INTS1: variants seen among roughly 807,000 people sequenced by gnomAD.
INTS1 encodes the protein integrator complex subunit 1.
Under a neutral mutation model 241.6 loss-of-function variants are expected in INTS1, and 137 were observed. That is an observed-to-expected ratio of 0.57 (90% CI 0.49 to 0.65). The LOEUF (loss-of-function observed/expected upper bound fraction) is 0.65, where lower values mean the gene tolerates loss of function less well. INTS1 is among the 30% of genes least tolerant of loss of function. The pLI is 0.00. For synonymous variants in INTS1, 1,692 were observed against 1,337.8 expected (o/e 1.26, Z -5.78); for missense variants, 3,073 against 3,032.2 (o/e 1.01, Z -0.32).
chr7:1,499,233 G>A (rs745605484), intron 7 of INTS1, 22 bp downstream of exon 7: 62 of 1,608,152 alleles, frequency 3.9e-5, no homozygotes, highest in Non-Finnish European at 4.9e-5. Flanking sequence ...CCCCAACTGG[G>A]ACCGGGCAGG....
intron 16 of INTS1, among the ~76,000 whole-genome samples, chr7:1,490,354 C>T (rs1782488282): frequency 6.6e-6 from 1 of 152,088 alleles, no homozygotes; most frequent in Non-Finnish European, 1.5e-5. Flanking sequence ...AGGGACGCCC[C>T]TGAAAGGGTG....
At chr7:1,484,287 C>T in intron 24 of INTS1, 117 bp from the exon 25 acceptor site, 5 of 1,089,506 alleles carry the variant, frequency 4.6e-6, no homozygotes, top group East Asian at 2.6e-5. Context: ...CCCGCGGCAC[C>T]GCAGACCCTC....
At position 1,483,690 on chromosome 7, in the gene INTS1, C is replaced by T. The variant is rs188659788; in HGVS notation, c.3541+52G>A. 6,247 of 1,422,600 alleles carry T rather than the reference C, an allele frequency of 4.4e-3. 30 individuals carry two copies. Among genetic ancestry groups the T allele is most frequent in the Non-Finnish European group, 5.2e-3 (5,311 of 1,014,458 alleles). The allele number at this position is 1,422,600 out of a possible 1,614,324, so 88.1% of individuals were successfully genotyped here. ...CGGAAGCCGCTGGGTGTGGTCAGGG[C>T]TGTGGCCCACCTGGCACGAAGCTGC... On this transcript the variant is annotated intron_variant, in intron 26 of 47. Transcript: ENST00000404767.
rs1174988373 is a variant in INTS1 at position 1,481,115 on chromosome 7, C to T, written c.3851-182G>A. The T allele has an allele frequency of 2.9e-6, 2 of 690,924 alleles. No homozygotes were observed. The highest frequency in any genetic ancestry group is 2.3e-5 in the Admixed American group (1 of 42,772). 42.8% of individuals were successfully genotyped at this position (690,924 alleles called of 1,614,324 possible). On this transcript the variant is annotated intron_variant, in intron 28 of 47. Coordinates refer to ENST00000404767, the MANE Select transcript of INTS1 (RefSeq NM_001080453.3). The surrounding 1 kb of genome is among the most constrained non-coding windows in gnomAD (Gnocchi z 6.8). ...AACAGCTCCCTCCAAGCTCAAAACA[C>T]GGCCCTAGGGGGTGCCTGGCCCCAG...
chr7:1,499,878 G>A lies in INTS1; in HGVS notation c.684+6C>T, dbSNP rs765620165. On this transcript the variant is annotated splice_donor_region_variant and intron_variant, in intron 5 of 47. Coordinates refer to ENST00000404767, the MANE Select transcript of INTS1 (RefSeq NM_001080453.3). ...CATCTTCACCGTCCCGGGAGAGGAC[G>A]CTCACCTTGACAAAGATCTCGGGCC... 15 of 1,610,690 alleles carry A rather than the reference G, an allele frequency of 9.3e-6. No homozygotes were observed. The highest frequency in any genetic ancestry group is 2.2e-5 in the South Asian group (2 of 90,784).
Position 1,496,255 on chromosome 7 carries a change from C to T in INTS1, c.1612G>A (p.Val538Met), listed in dbSNP as rs1401513399. The T allele has an allele frequency of 2.5e-6, 4 of 1,613,644 alleles. No homozygotes were observed. The highest frequency in any genetic ancestry group is 3.3e-5 in the Admixed American group (2 of 60,022). Residue 538 changes from valine (V) to methionine (M), a missense_variant, in exon 12 of 48, where the codon GTG becomes ATG. By Grantham distance (21) the Val-to-Met change is conservative. Coordinates refer to ENST00000404767, the MANE Select transcript of INTS1 (RefSeq NM_001080453.3). ...YLEMEFKERF[V>M]VHITDVLAVS... is the part of the protein sequence containing the mutation. ...GCCAGGACGTCGGTGATGTGCACCA[C>T]GAAGCGCTCCTGCAGGTGCAGCACG... is the stretch of plus-strand genomic sequence containing the variant.
chr7:1,474,344 C>T lies in INTS1; in HGVS notation c.5653G>A (p.Ala1885Thr), dbSNP rs537052549. 11 of 1,598,872 alleles carry T rather than the reference C, an allele frequency of 6.9e-6. No homozygotes were observed. The highest frequency in any genetic ancestry group is 3.3e-5 in the South Asian group (3 of 90,406). ...LLLLRHLPMIAALLHGRTHLN... is the reference protein window; with the variant it reads ...LLLLRHLPMITALLHGRTHLN... ...TGGGTGCGGCCGTGCAGGAGCGCCGCGATCATGGGCAGGTGCCTGCGGGCG... is the reference window on the plus strand; with the variant it reads ...TGGGTGCGGCCGTGCAGGAGCGCCGTGATCATGGGCAGGTGCCTGCGGGCG... The change falls in exon 41 of 48, where the codon GCG becomes ACG. Residue 1885 changes from alanine to threonine, a missense_variant. By Grantham distance (58) the Ala-to-Thr change is moderately conservative (BLOSUM62 0). Transcript: ENST00000404767.
Position 1,493,199 on chromosome 7 carries a change from G to T in INTS1, c.2069-93C>A. 1.0e-6 allele frequency: 1 copy of T among 956,506 alleles called. No homozygotes were observed. Among genetic ancestry groups the T allele is most frequent in the Non-Finnish European group, 1.6e-6 (1 of 615,544 alleles). The allele number at this position is 956,506 out of a possible 1,614,324, so 59.3% of individuals were successfully genotyped here. A position where few individuals can be genotyped will look rare whatever the true frequency, so the allele number is the denominator to read the frequency against. On this transcript the variant is annotated intron_variant, in intron 15 of 47. Transcript: ENST00000404767. The surrounding 1 kb of genome is among the most constrained non-coding windows in gnomAD (Gnocchi z 5.3). ...ACCGGCCCTGCTCGGGCCGCGTCGG[G>T]GTGGGGTGGGGGATGCCGCAGGGTG...
intron 13 of INTS1, 89 bp downstream of exon 13, chr7:1,495,344 T>C (rs1782792740): frequency 3.5e-6 from 5 of 1,433,150 alleles, no homozygotes; most frequent in Non-Finnish European, 4.6e-6. Context: ...CCTGGCTCAG[T>C]GGGGTTTGGG....
At chr7:1,479,294 TG>T in intron 31 of INTS1, 135 bp downstream of exon 31, 1 of 1,087,214 alleles carries the variant, frequency 9.2e-7, no homozygotes. Flanking sequence ...CGCCACTCCC[TG>T]GGGCACTGTC....
At chr7:1,488,014 T>G in intron 18 of INTS1, 57 bp from the exon 19 acceptor site, 5 of 1,569,700 alleles carry the variant, frequency 3.2e-6, no homozygotes, top group Non-Finnish European at 4.4e-6. Context: ...TCACTCCCAG[T>G]GGGCCACGCT....
chr7:1,494,968 A>AC, intron 13 of INTS1, 75 bp from the exon 14 acceptor site: 1 of 1,514,148 alleles, frequency 6.6e-7, no homozygotes, highest in Non-Finnish European at 8.9e-7. Flanking sequence ...CAGGGAAGGG[A>AC]CCCCGCTCCC....
chr7:1,489,557 AC>A (rs754978575), intron 17 of INTS1, 33 bp downstream of exon 17: 1 of 1,534,274 alleles, frequency 6.5e-7, no homozygotes, highest in South Asian at 1.2e-5. Context: ...CAGCAGGGCC[AC>A]GTGTGCGCAT....
chr7:1,504,217 G>A, intron 1 of INTS1, 106 bp downstream of exon 1: 1 of 531,060 alleles, frequency 1.9e-6, no homozygotes, highest in Middle Eastern at 4.9e-4. Flanking sequence ...ACGCCGGGCT[G>A]GAGGCGGCAG....
At chr7:1,471,501 G>A in intron 45 of INTS1, 70 bp downstream of exon 45, 1 of 1,513,222 alleles carries the variant, frequency 6.6e-7, no homozygotes, top group East Asian at 2.3e-5. Flanking sequence ...CCATGTTGGG[G>A]TGGTGGCCCT....
rs570203007 is a variant in INTS1 at position 1,481,609 on chromosome 7, G to T, written c.3704-121C>A. 1.1e-6 allele frequency: 1 copy of T among 914,044 alleles called. No homozygotes were observed. The highest frequency in any genetic ancestry group is 1.5e-6 in the Non-Finnish European group (1 of 676,688). 56.6% of individuals were successfully genotyped at this position (914,044 alleles called of 1,614,324 possible). ...CCACCCACCTGAGACCCTGGGCCACGTGGGCTCGGTGACCCCACCCAAGAC... is the reference window on the plus strand; with the variant it reads ...CCACCCACCTGAGACCCTGGGCCACTTGGGCTCGGTGACCCCACCCAAGAC... On this transcript the variant is annotated intron_variant, in intron 27 of 47. Coordinates refer to ENST00000404767, the MANE Select transcript of INTS1 (RefSeq NM_001080453.3). This position sits in a 1 kb window ranked among gnomAD's most constrained non-coding sequence, Gnocchi z 6.8.
chr7:1,499,152 C>A lies in INTS1; in HGVS notation c.960G>T (p.Glu320Asp). The change falls in exon 8 of 48, where the codon GAG (glutamate) becomes GAT (aspartate). Residue 320 changes from glutamate to aspartate, a missense_variant. By Grantham distance (45) the Glu-to-Asp change is conservative (BLOSUM62 2). Transcript: ENST00000404767. ...QEGQLMPRYE[E>D]LAESVEEYVL... is the part of the protein sequence containing the mutation. The stretch of plus-strand genomic sequence containing the variant: ...CATACTCCTCCACGCTCTCCGCGAG[C>A]TCTTCGTACCTAGGCCAGAGGAGGG... 1 of 1,609,114 alleles carries A rather than the reference C, an allele frequency of 6.2e-7. No individual in the cohort carries two copies. The highest frequency in any genetic ancestry group is 8.5e-7 in the Non-Finnish European group (1 of 1,177,832).
intron 27 of INTS1, 90 bp downstream of exon 27, chr7:1,482,456 G>A (rs1205755467): frequency 1.3e-5 from 18 of 1,349,312 alleles, no homozygotes; most frequent in Non-Finnish European, 1.8e-5. Flanking sequence ...CTCTGCCACA[G>A]CCGGAGGCTG....
chr7:1,481,369 T>C lies in INTS1; in HGVS notation c.3823A>G (p.Thr1275Ala), dbSNP rs1211012638. The stretch of plus-strand genomic sequence containing the variant: ...TTGTCCATGATGTTCTGCTCCAGAG[T>C]CTGGGGGTCGTGGGCCACTGCCTGG... Reference protein sequence around the residue: ...LDQAVAHDPQTLEQNIMDKNY... With the variant: ...LDQAVAHDPQALEQNIMDKNY... Residue 1275 changes from threonine to alanine, a missense_variant, in exon 28 of 48, where the codon ACT becomes GCT. Coordinates refer to ENST00000404767, the MANE Select transcript of INTS1 (RefSeq NM_001080453.3). The surrounding 1 kb of genome is among the most constrained non-coding windows in gnomAD (Gnocchi z 6.8). 1 of 1,612,700 alleles carries C rather than the reference T, an allele frequency of 6.2e-7. No homozygotes were observed.
Sources: gnomAD v4.1 joint callset for allele counts (sites outside exome capture counted in the v4.1 genomes callset) on GRCh38, gnomAD v4.1.1 for gene constraint, Gnocchi (gnomAD v3.1) non-coding constraint, MANE v1.5 for transcripts, NCBI Gene and HGNC (gene_info 2026-07-23, HGNC 2026-07-21) for gene names.